The following GREB1 variants were observed in gnomAD, a reference collection of about 807,000 sequenced individuals.
GREB1 encodes the protein growth regulating estrogen receptor binding 1.
GREB1 carries 106 observed loss-of-function variants against 200.7 expected under a neutral mutation model. The ratio of observed to expected loss-of-function variants is 0.53; its 90% confidence interval spans 0.45 to 0.62. The LOEUF is 0.62. GREB1 is among the 20% of genes least tolerant of loss of function. The pLI is 0.00. For missense variants in GREB1, 2,243 were observed against 2,556.8 expected, an observed-to-expected ratio of 0.88 and a Z score of 2.65; for synonymous variants, 1,132 against 1,092.4, an observed-to-expected ratio of 1.04 and a Z score of -0.72.
chr2:11,595,962 GCTGAGA>G, intron 12 of GREB1, 143 bp from the exon 13 acceptor site: 1 of 683,168 alleles, frequency 1.5e-6, no homozygotes, highest in Non-Finnish European at 2.5e-6. Context: ...TCCTGACTAG[GCTGAGA>G]CCCCTTGACA....
chr2:11,547,010 A>G (rs534351427), intron 1 of GREB1, among the ~76,000 whole-genome samples: 23 of 149,812 alleles, frequency 1.5e-4, no homozygotes, highest in African/African-American at 3.9e-4. Context: ...CAATGGCGCA[A>G]TCTCGGCTCA....
chr2:11,637,940 C>A, intron 31 of GREB1, 24 bp downstream of exon 31: 2 of 1,579,836 alleles, frequency 1.3e-6, no homozygotes, highest in South Asian at 2.2e-5. Flanking sequence ...GGGGTGCTGT[C>A]GAATCCCTAA....
chr2:11,595,104 G>T, intron 11 of GREB1, 147 bp from the exon 12 acceptor site: 1 of 604,042 alleles, frequency 1.7e-6, no homozygotes. Context: ...TCACCTGACA[G>T]CAGGCCTGGG....
chr2:11,607,468 A>G (rs1208511740), intron 17 of GREB1, among the ~76,000 whole-genome samples: 1 of 149,164 alleles, frequency 6.7e-6, no homozygotes, highest in Non-Finnish European at 1.5e-5. Context: ...GTGTATATAT[A>G]TATACACACA....
chr2:11,594,064 C>T (rs1032996984), intron 11 of GREB1, among the ~76,000 whole-genome samples: 12 of 152,058 alleles, frequency 7.9e-5, no homozygotes, highest in Non-Finnish European at 1.8e-4. Context: ...AGTGCAGTGG[C>T]GAGATCTTGG....
chr2:11,551,782 G>A (rs1675871144), intron 1 of GREB1, among the ~76,000 whole-genome samples: 2 of 152,186 alleles, frequency 1.3e-5, no homozygotes, highest in African/African-American at 4.8e-5. Context: ...ACCAAGAAGT[G>A]GAGCAGGACG....
At chr2:11,631,878 C>T (rs898567128) in intron 26 of GREB1, 31 bp from the exon 27 acceptor site, 1 of 1,530,422 alleles carries the variant, frequency 6.5e-7, no homozygotes, top group Non-Finnish European at 9.1e-7. Context: ...CATTTACAAA[C>T]ACTCTACCTC....
chr2:11,543,794 C>T (rs1324733558), intron 1 of GREB1, among the ~76,000 whole-genome samples: 1 of 152,122 alleles, frequency 6.6e-6, no homozygotes, highest in African/African-American at 2.4e-5. Flanking sequence ...TTCTCAGCAC[C>T]TCGTGGGCCT....
intron 1 of GREB1, among the ~76,000 whole-genome samples, chr2:11,485,259 T>A (rs1310995234): frequency 6.4e-5 from 8 of 124,194 alleles, no homozygotes; most frequent in East Asian, 2.2e-4. Context: ...TTATTTTATT[T>A]TATATATATA....
chr2:11,524,555 C>T (rs1673809698), intron 1 of GREB1, among the ~76,000 whole-genome samples: 1 of 152,158 alleles, frequency 6.6e-6, no homozygotes, highest in Admixed American at 6.5e-5. Flanking sequence ...TTTGTGTTTC[C>T]CTTGCAGTAC....
At chr2:11,628,590 TAA>T (rs1684641011) in intron 25 of GREB1, among the ~76,000 whole-genome samples, 1 of 152,246 alleles carries the variant, frequency 6.6e-6, no homozygotes, top group African/African-American at 2.4e-5. Flanking sequence ...TTGTTCCAGA[TAA>T]ACTCTCCTAA....
rs751329312 is a variant in GREB1, at chr2:11,627,098, C to T, written c.4443C>T (p.Arg1481=). Residue 1481 remains arginine, a synonymous_variant, in exon 25 of 33, where the codon CGC becomes CGT. Coordinates refer to ENST00000381486, the MANE Select transcript of GREB1 (RefSeq NM_014668.4). ...QCHQYMGFHP[R]YQLYESTLHA... is the part of the protein sequence containing the mutation. Reference sequence around the variant, plus strand: ...ACCAGTACATGGGCTTCCACCCCCGCTACCAGGTAGGCCCCAGCAGTTCCC... The same window carrying T: ...ACCAGTACATGGGCTTCCACCCCCGTTACCAGGTAGGCCCCAGCAGTTCCC... The T allele has an allele frequency of 6.3e-7, 1 of 1,594,476 alleles. No homozygotes were observed. The highest frequency in any genetic ancestry group is 2.3e-5 in the East Asian group (1 of 44,324).
intron 26 of GREB1, 105 bp from the exon 27 acceptor site, chr2:11,631,804 C>G (rs1007748806): frequency 3.5e-6 from 3 of 847,936 alleles, no homozygotes; most frequent in Non-Finnish European, 5.8e-6. Context: ...GCAGTGTAGG[C>G]ATGGTCATCA....
chr2:11,584,876 C>T (rs1283101275), intron 7 of GREB1: 11 of 271,370 alleles, frequency 4.1e-5, no homozygotes, highest in Admixed American at 1.6e-4. Flanking sequence ...CTATGCCGAT[C>T]GGGTGTCCGC....
intron 30 of GREB1, 39 bp downstream of exon 30, chr2:11,635,444 G>A (rs764075852): frequency 1.2e-5 from 19 of 1,567,912 alleles, no homozygotes; most frequent in Middle Eastern, 1.7e-4. Flanking sequence ...TATGTCCACC[G>A]CCTGGGCCGC....
chr2:11,598,513 T>G (rs931322501), intron 14 of GREB1, among the ~76,000 whole-genome samples, 167 bp from the exon 15 acceptor site: 1 of 152,240 alleles, frequency 6.6e-6, no homozygotes, highest in African/African-American at 2.4e-5. Flanking sequence ...AGGACAGTTA[T>G]GCAGCTGTAA....
intron 1 of GREB1, among the ~76,000 whole-genome samples, chr2:11,488,772 C>G (rs946276283): frequency 2.1e-5 from 2 of 96,892 alleles, no homozygotes; most frequent in African/African-American, 4.2e-5. Context: ...TCCTGGGCAA[C>G]AAGAGTGAAA....
chr2:11,616,071 C>G (rs1683374998), intron 20 of GREB1, among the ~76,000 whole-genome samples: 1 of 152,238 alleles, frequency 6.6e-6, no homozygotes, highest in African/African-American at 2.4e-5. Flanking sequence ...TTGTGAGTAT[C>G]TGCTGCACGT....
chr2:11,587,638 G>A, intron 9 of GREB1: 1 of 1,386,030 alleles, frequency 7.2e-7, no homozygotes, highest in East Asian at 2.8e-5. Context: ...ATAACACACA[G>A]CCGAAGTCAG....
Sources: allele counts gnomAD v4.1 joint callset (sites outside exome capture counted in the v4.1 genomes callset), GRCh38; gene constraint gnomAD v4.1.1; transcripts MANE v1.5; gene names NCBI Gene and HGNC (gene_info 2026-07-23, HGNC 2026-07-21).